The following DDHD1 variants were observed in gnomAD, a reference collection of about 807,000 sequenced individuals.
DDHD1 encodes DDHD domain containing 1.
A neutral mutation model predicts 96.4 loss-of-function variants in DDHD1; 49 were observed. The ratio of observed to expected loss-of-function variants is 0.51; its 90% confidence interval spans 0.40 to 0.64. DDHD1 has a LOEUF of 0.64. Among genes scored for constraint, DDHD1 ranks in the 30% least tolerant of loss-of-function variants. The probability of loss-of-function intolerance (pLI) is 0.00; values close to 1 mark genes in which losing one functional copy is unlikely to be tolerated. For missense variants in DDHD1, 1,106 were observed against 1,161.2 expected, an observed-to-expected ratio of 0.95 and a Z score of 0.69; for synonymous variants, 442 against 446.5, an observed-to-expected ratio of 0.99 and a Z score of 0.13.
chr14:53,064,114 C>A (rs1039538742), intron 6 of DDHD1, among the ~76,000 whole-genome samples: 4 of 152,006 alleles, frequency 2.6e-5, no homozygotes, highest in Non-Finnish European at 2.9e-5. Flanking sequence ...CAGGAATATG[C>A]AGTGTGAAAT....
chr14:53,127,610 A>G (rs1889548293), intron 1 of DDHD1, among the ~76,000 whole-genome samples: 1 of 152,212 alleles, frequency 6.6e-6, no homozygotes, highest in Non-Finnish European at 1.5e-5. Flanking sequence ...TGGTAGAACT[A>G]AACACCATTT....
chr14:53,074,726 A>T (rs1311639421), intron 4 of DDHD1, among the ~76,000 whole-genome samples: 1 of 152,072 alleles, frequency 6.6e-6, no homozygotes, highest in Admixed American at 6.6e-5. Context: ...TTGCCTTGTA[A>T]AGGCATACCC....
chr14:53,081,307 G>C (rs917389420), intron 4 of DDHD1, among the ~76,000 whole-genome samples: 10 of 152,176 alleles, frequency 6.6e-5, no homozygotes, highest in African/African-American at 2.4e-4. Flanking sequence ...TAACAAATAT[G>C]AGTATATGCA....
chr14:53,091,707 A>G, intron 4 of DDHD1, 78 bp downstream of exon 4: 1 of 1,429,268 alleles, frequency 7.0e-7, no homozygotes, highest in Non-Finnish European at 9.5e-7. Context: ...GAATTAGTAT[A>G]CTGTTAATAT....
chr14:53,037,232 A>G lies in DDHD1; in HGVS notation c.*9536T>C, dbSNP rs1173623907. On this transcript the variant is annotated 3_prime_UTR_variant, in exon 13 of 13. Coordinates refer to ENST00000673822, the MANE Select transcript of DDHD1 (RefSeq NM_001160148.2). Reference sequence around the variant, plus strand: ...TACTGTGAATAGCACTGTGATGACCATATGTGTTTTTGGTAGAAGGATTTA... The same window carrying G: ...TACTGTGAATAGCACTGTGATGACCGTATGTGTTTTTGGTAGAAGGATTTA... 2 of 152,088 alleles carry G rather than the reference A, an allele frequency of 1.3e-5. No individual in the cohort carries two copies. The highest frequency in any genetic ancestry group is 1.9e-4 in the East Asian group (1 of 5,190). The allele number at this position is 152,088 out of a possible 1,614,324, so 9.4% of individuals were successfully genotyped here.
intron 4 of DDHD1, among the ~76,000 whole-genome samples, chr14:53,085,161 C>T (rs61985090): frequency 2.0e-5 from 3 of 152,172 alleles, no homozygotes; most frequent in Non-Finnish European, 2.9e-5. Flanking sequence ...CAATGAGGCC[C>T]GCACGCCTCT....
chr14:53,059,412 T>C (rs548589267), intron 8 of DDHD1, among the ~76,000 whole-genome samples: 219 of 151,332 alleles, frequency 1.4e-3, no homozygotes, highest in Middle Eastern at 0.014. Context: ...GCCCAGCTAA[T>C]TTTTTTGTAT....
chr14:53,133,635 C>T lies in DDHD1; in HGVS notation c.838+18626G>A, dbSNP rs1044265990. Among the ~76,000 whole-genome samples the T allele has an allele frequency of 7.2e-5, 11 of 152,180 alleles. 1 individual carries two copies. In the East Asian group the frequency reaches 1.2e-3, roughly 16 times the overall value. ...CCTTCTCAGAATTCGGGCCTGTCCT[C>T]GGGATGCTACAGGGTACAGCCCATT... On this transcript the variant is annotated intron_variant, in intron 1 of 12. Transcript: ENST00000673822.
chr14:53,069,489 T>C (rs1257992559), intron 6 of DDHD1, among the ~76,000 whole-genome samples: 2 of 152,210 alleles, frequency 1.3e-5, no homozygotes, highest in Admixed American at 6.5e-5. Flanking sequence ...TATGCATATC[T>C]GTTTAGACAC....
Position 53,152,284 on chromosome 14 carries a change from T to C in DDHD1, c.815A>G (p.Glu272Gly). The C allele has an allele frequency of 6.2e-7, 1 of 1,611,914 alleles. No individual in the cohort carries two copies. ...ACGGTTCCAGTACACCGGGTAGCAC[T>C]CTCCTTGGGTCACATCCACCTCGTA... ...GLYEVDVTQGECYPVYWNQAD... is the reference protein window; with the variant it reads ...GLYEVDVTQGGCYPVYWNQAD... The change falls in exon 1 of 13, where the codon GAG becomes GGG. Residue 272 changes from glutamate (E) to glycine (G), a missense_variant. Glu to Gly is a moderately conservative substitution (Grantham distance 98). Transcript: ENST00000673822.
Position 53,152,503 on chromosome 14 carries a change from T to A in DDHD1, c.596A>T (p.Gln199Leu). ...RIELAFRTLL[Q>L]TTGARPQGGD... ...GCCCTGGGGCCGGGCACCCGTGGTC[T>A]GCAGCAGGGTCCGGAAGGCGAGCTC... Residue 199 changes from glutamine to leucine, a missense_variant, in exon 1 of 13, where the codon CAG becomes CTG. By Grantham distance (113) the Gln-to-Leu change is moderately radical. Coordinates refer to ENST00000673822, the MANE Select transcript of DDHD1 (RefSeq NM_001160148.2). 6.2e-7 allele frequency: 1 copy of A among 1,613,224 alleles called. No homozygotes were observed. The highest frequency in any genetic ancestry group is 8.5e-7 in the Non-Finnish European group (1 of 1,179,826).
chr14:53,139,360 T>G (rs1890473544), intron 1 of DDHD1, among the ~76,000 whole-genome samples: 1 of 152,054 alleles, frequency 6.6e-6, no homozygotes, highest in Non-Finnish European at 1.5e-5. Context: ...TGAAGAACCT[T>G]CTTGAGATAA....
chr14:53,085,582 A>G (rs2139972033), intron 4 of DDHD1, among the ~76,000 whole-genome samples: 1 of 152,284 alleles, frequency 6.6e-6, no homozygotes, highest in East Asian at 1.9e-4. Flanking sequence ...AAAACAAACA[A>G]ACAGAAAGGA....
In DDHD1 at chr14:53,073,652, T is replaced by C; in HGVS notation, c.1396+89A>G. On this transcript the variant is annotated intron_variant, in intron 5 of 12. Transcript: ENST00000673822. The stretch of plus-strand genomic sequence containing the variant: ...TAAATTGAAGACACTACATTCTCAA[T>C]TAACAAAAAGTGTTTTCTAAAACTT... The C allele has an allele frequency of 1.1e-5, 12 of 1,057,804 alleles. 1 individual carries two copies. Among genetic ancestry groups the C allele is most frequent in the Non-Finnish European group, 1.7e-5 (12 of 715,982 alleles). The allele number at this position is 1,057,804 out of a possible 1,614,324, so 65.5% of individuals were successfully genotyped here.
rs1881367116 is a variant in DDHD1, at chr14:53,037,760, T to C, written c.*9008A>G. ...GGTCCCCACTTGCCAATTTCTGTTT[T>C]GTTGCAATTGCCTTTGGGGACTTAG... On this transcript the variant is annotated 3_prime_UTR_variant, in exon 13 of 13. Transcript: ENST00000673822. 1 of 152,186 alleles carries C rather than the reference T, an allele frequency of 6.6e-6. No homozygotes were observed. Among genetic ancestry groups the C allele is most frequent in the African/African-American group, 2.4e-5 (1 of 41,456 alleles). The allele number at this position is 152,186 out of a possible 1,614,324, so 9.4% of individuals were successfully genotyped here. A position where few individuals can be genotyped will look rare whatever the true frequency, so the allele number is the denominator to read the frequency against.
At chr14:53,089,763 G>A (rs1044355415) in intron 4 of DDHD1, among the ~76,000 whole-genome samples, 21 of 152,216 alleles carry the variant, frequency 1.4e-4, no homozygotes, top group African/African-American at 5.1e-4. Context: ...GAAAACCTAG[G>A]CAATACCATT....
chr14:53,081,517 G>T (rs963192275), intron 4 of DDHD1, among the ~76,000 whole-genome samples: 1 of 152,158 alleles, frequency 6.6e-6, no homozygotes, highest in African/African-American at 2.4e-5. Flanking sequence ...AGGGACACTT[G>T]GCAATGTTTG....
chr14:53,080,227 G>A (rs1885341926), intron 4 of DDHD1, among the ~76,000 whole-genome samples: 1 of 152,124 alleles, frequency 6.6e-6, no homozygotes, highest in South Asian at 2.1e-4. Flanking sequence ...TGGGTGTGGT[G>A]GTGTGCACCT....
chr14:53,098,980 A>C (rs1887101649), intron 2 of DDHD1, among the ~76,000 whole-genome samples: 1 of 151,908 alleles, frequency 6.6e-6, no homozygotes, highest in Non-Finnish European at 1.5e-5. Context: ...AAATATATTT[A>C]TATTTGTTGT....
Sources: gnomAD v4.1 joint callset for allele counts (sites outside exome capture counted in the v4.1 genomes callset) on GRCh38, gnomAD v4.1.1 for gene constraint, MANE v1.5 for transcripts, NCBI Gene and HGNC (gene_info 2026-07-23, HGNC 2026-07-21) for gene names.